The following SHISA6 variants were observed in gnomAD, a reference collection of about 807,000 sequenced individuals.
SHISA6 encodes the protein shisa family member 6, also known as protein shisa-6.
In SHISA6, 22 loss-of-function variants were observed where a neutral mutation model predicts 47.9. The observed-to-expected ratio is 0.46, with a 90% CI of 0.33 to 0.66. SHISA6 has a LOEUF of 0.66. SHISA6 is among the 30% of genes least tolerant of loss of function. The probability of loss-of-function intolerance (pLI) is 0.02; values close to 1 mark genes in which losing one functional copy is unlikely to be tolerated. For missense variants in SHISA6, 680 were observed against 764.6 expected (o/e 0.89, Z 1.30); for synonymous variants, 388 against 337.8 (o/e 1.15, Z -1.63).
In SHISA6 at chr17:11,544,716, T is replaced by G. The variant is rs111377026; in HGVS notation, c.896-7180T>G. ...TGGCTCACACCTGTAATCCCAGCAC[T>G]TTGGGAGGCCAAGGCGGGTGGATCA... On this transcript the variant is annotated intron_variant, in intron 3 of 5. Coordinates refer to ENST00000441885, the MANE Select transcript of SHISA6 (RefSeq NM_207386.4). 7.8e-3 allele frequency among the ~76,000 whole-genome samples: 1,191 copies of G among 152,182 alleles called. 18 individuals are homozygous for G. Among genetic ancestry groups the G allele is most frequent in the African/African-American group, 0.028 (1,147 of 41,516 alleles).
intron 2 of SHISA6, among the ~76,000 whole-genome samples, chr17:11,317,650 TTGGGTGCCTGTC>T (rs1163648710): frequency 1.3e-5 from 2 of 151,924 alleles, no homozygotes. Flanking sequence ...GCTTACTTAC[TTGGGTGCCTGTC>T]TGCCTGTTTT....
At chr17:11,425,031 A>G (rs1914573947) in intron 3 of SHISA6, among the ~76,000 whole-genome samples, 1 of 148,258 alleles carries the variant, frequency 6.7e-6, no homozygotes. Context: ...AAAAAAAATG[A>G]GGAAATAACA....
At chr17:11,338,744 C>G (rs1374555831) in intron 2 of SHISA6, among the ~76,000 whole-genome samples, 1 of 152,128 alleles carries the variant, frequency 6.6e-6, no homozygotes, top group African/African-American at 2.4e-5. Context: ...AAAGATTTAT[C>G]TGTCTTTTCA....
intron 2 of SHISA6, among the ~76,000 whole-genome samples, chr17:11,334,433 C>T (rs1465406545): frequency 2.0e-5 from 3 of 152,172 alleles, no homozygotes; most frequent in Non-Finnish European, 4.4e-5. Flanking sequence ...TGTCTGCATT[C>T]GACTCACAGG....
At chr17:11,388,452 A>G (rs1015889369) in intron 3 of SHISA6, among the ~76,000 whole-genome samples, 15 of 152,004 alleles carry the variant, frequency 9.9e-5, no homozygotes, top group African/African-American at 3.6e-4. Context: ...TCAGCTGACT[A>G]TTGGTCATTC....
Position 11,426,514 on chromosome 17 carries a change from C to CA in SHISA6, c.895+47006dup, listed in dbSNP as rs1289645587. 2.6e-5 allele frequency among the ~76,000 whole-genome samples: 4 copies of CA among 152,294 alleles called. No individual in the cohort carries two copies. The East Asian group carries it at 7.7e-4, about 29-fold the overall frequency. On this transcript the variant is annotated intron_variant, in intron 3 of 5. Transcript: ENST00000441885. ...AGCAAGAGATGATGGGTGCAGTACACACCTACAGAGATTGATGCTGTGTAA... is the reference window on the plus strand; with the variant it reads ...AGCAAGAGATGATGGGTGCAGTACACAACCTACAGAGATTGATGCTGTGTAA...
chr17:11,360,535 G>A (rs559243633), intron 2 of SHISA6, among the ~76,000 whole-genome samples: 16 of 151,398 alleles, frequency 1.1e-4, no homozygotes, highest in African/African-American at 1.5e-4. Flanking sequence ...ACTCCAGCCT[G>A]GGTGACAGAG....
intron 2 of SHISA6, among the ~76,000 whole-genome samples, chr17:11,339,794 A>G (rs572064421): frequency 6.6e-6 from 1 of 152,282 alleles, no homozygotes; most frequent in South Asian, 2.1e-4. Flanking sequence ...GTAGCCGTGA[A>G]GAAAGAGCAG....
chr17:11,281,885 A>G (rs1256784795), intron 2 of SHISA6, among the ~76,000 whole-genome samples: 1 of 152,252 alleles, frequency 6.6e-6, no homozygotes, highest in Non-Finnish European at 1.5e-5. Flanking sequence ...TGATCCTAGA[A>G]CATTCTCAAA....
chr17:11,424,741 C>T (rs1057269236), intron 3 of SHISA6, among the ~76,000 whole-genome samples: 6 of 152,002 alleles, frequency 3.9e-5, no homozygotes, highest in South Asian at 2.1e-4. Context: ...GGGTGGCTCA[C>T]GCCTGTAATC....
intron 2 of SHISA6, among the ~76,000 whole-genome samples, chr17:11,291,766 G>T (rs1457318717): frequency 6.6e-6 from 1 of 152,084 alleles, no homozygotes; most frequent in Non-Finnish European, 1.5e-5. Context: ...CTTGTAGGTG[G>T]CCGCCTTCTC....
chr17:11,479,984 C>T (rs76535087), intron 3 of SHISA6, among the ~76,000 whole-genome samples: 1,688 of 152,156 alleles, frequency 0.011, 42 homozygotes, highest in African/African-American at 0.039. Flanking sequence ...CTACTGGCAA[C>T]GAATTCCCTC....
At chr17:11,550,697 G>A (rs1280423162) in intron 3 of SHISA6, among the ~76,000 whole-genome samples, 1 of 152,130 alleles carries the variant, frequency 6.6e-6, no homozygotes, top group African/African-American at 2.4e-5. Context: ...AATGATTTGG[G>A]GTGAGGGTAG....
intron 3 of SHISA6, among the ~76,000 whole-genome samples, chr17:11,455,931 C>A (rs1348176506): frequency 6.6e-6 from 1 of 152,110 alleles, no homozygotes; most frequent in African/African-American, 2.4e-5. Context: ...GCATTTTCTT[C>A]TAGGGTGCGT....
intron 3 of SHISA6, among the ~76,000 whole-genome samples, chr17:11,423,332 TAGATAG>T (rs1567602070): frequency 2.8e-3 from 74 of 25,980 alleles, no homozygotes; most frequent in African/African-American, 5.8e-3. Flanking sequence ...TATATATAGA[TAGATAG>T]ATAGATAGAT....
chr17:11,481,002 G>A (rs1916197800), intron 3 of SHISA6, among the ~76,000 whole-genome samples: 1 of 152,166 alleles, frequency 6.6e-6, no homozygotes, highest in South Asian at 2.1e-4. Flanking sequence ...TTAGAGGCCA[G>A]GTGTGGTGGC....
chr17:11,296,082 G>A (rs1392325749), intron 2 of SHISA6, among the ~76,000 whole-genome samples: 1 of 152,096 alleles, frequency 6.6e-6, no homozygotes, highest in Non-Finnish European at 1.5e-5. Flanking sequence ...GAAGACCAGT[G>A]TGACTCCTGC....
chr17:11,510,316 G>A (rs959619871), intron 3 of SHISA6, among the ~76,000 whole-genome samples: 20 of 152,132 alleles, frequency 1.3e-4, no homozygotes, highest in African/African-American at 3.9e-4. Flanking sequence ...TTACCTGTCT[G>A]CCAAGTAAAC....
intron 1 of SHISA6, among the ~76,000 whole-genome samples, chr17:11,252,086 C>T (rs1271552406): frequency 2.0e-5 from 3 of 152,096 alleles, no homozygotes; most frequent in African/African-American, 7.2e-5. Flanking sequence ...TTGACTCATG[C>T]CTACTCCTTG....
Sources: gnomAD v4.1 joint callset for allele counts (sites outside exome capture counted in the v4.1 genomes callset) on GRCh38, gnomAD v4.1.1 for gene constraint, MANE v1.5 for transcripts, NCBI Gene and HGNC (gene_info 2026-07-23, HGNC 2026-07-21) for gene names.